Variants in COL9A1 observed in about 807,000 individuals in gnomAD.
COL9A1 encodes collagen alpha-1(IX) chain.
In COL9A1, 104 loss-of-function variants were observed where a neutral mutation model predicts 142.6. The ratio of observed to expected loss-of-function variants is 0.73; its 90% confidence interval spans 0.62 to 0.86. COL9A1 has a LOEUF of 0.86. COL9A1 is among the 40% of genes least tolerant of loss of function. COL9A1 has a pLI of 0.00. For missense variants in COL9A1, 1,210 were observed against 1,176.6 expected (o/e 1.03, Z -0.42); for synonymous variants, 466 against 396.0 (o/e 1.18, Z -2.10).
chr6:70,256,558 T>C (rs1273471789), intron 21 of COL9A1, among the ~76,000 whole-genome samples: 1 of 151,948 alleles, frequency 6.6e-6, no homozygotes, highest in Non-Finnish European at 1.5e-5. Flanking sequence ...GCTTAATCTA[T>C]GAAGAAAAAA....
chr6:70,242,732 A>G lies in COL9A1; in HGVS notation c.1873-17T>C, dbSNP rs200964374. The G allele has an allele frequency of 6.2e-7, 1 of 1,612,504 alleles. No individual in the cohort carries two copies. Among genetic ancestry groups the G allele is most frequent in the African/African-American group, 1.3e-5 (1 of 75,020 alleles). On this transcript the variant is annotated splice_polypyrimidine_tract_variant and intron_variant, in intron 28 of 37. Transcript: ENST00000357250. ...TCTACTGCCCTGTAAAAACACAAAC[A>G]TTGTCAATTGGATATTTTGCCAAAA...
chr6:70,216,654 C>CTTTT lies in COL9A1; in HGVS notation c.*239_*242dup, dbSNP rs3215859. On this transcript the variant is annotated 3_prime_UTR_variant, in exon 38 of 38. Transcript: ENST00000357250. ...TTATTCAAGGGAGGTGTTTGGTTTT[C>CTTTT]TTTTTTTTTTTTTAACTGATGACTC... 8.3e-5 allele frequency: 40 copies of CTTTT among 483,170 alleles called. No homozygotes were observed. The highest frequency in any genetic ancestry group is 4.5e-4 in the African/African-American group (22 of 49,250). The allele number at this position is 483,170 out of a possible 1,614,324, so 29.9% of individuals were successfully genotyped here.
At position 70,274,059 on chromosome 6, in the gene COL9A1, C is replaced by T. The variant is rs75433477; in HGVS notation, c.1053G>A (p.Ser351=). 1.8e-4 allele frequency: 281 copies of T among 1,562,756 alleles called. No homozygotes were observed. In the African/African-American group the frequency reaches 3.1e-3, roughly 17 times the overall value. The change falls in exon 12 of 38, where the codon TCG becomes TCA. Residue 351 remains serine (S), a synonymous_variant. Coordinates refer to ENST00000357250, the MANE Select transcript of COL9A1 (RefSeq NM_001851.6). ...TACATTTACTTACTGGAAATCCACG[C>T]GATCCAGGCACACCAGGTTCTCCCT... ...GQKGEPGVPG[S]RGFPGRGIPG... is the part of the protein sequence containing the mutation.
intron 10 of COL9A1, among the ~76,000 whole-genome samples, chr6:70,278,733 G>C (rs1772924785): frequency 6.6e-6 from 1 of 151,980 alleles, no homozygotes; most frequent in Admixed American, 6.5e-5. Context: ...CTGCACTGTG[G>C]GTCTGCAAAT....
chr6:70,265,048 T>C (rs867106406), intron 18 of COL9A1, among the ~76,000 whole-genome samples: 4 of 152,068 alleles, frequency 2.6e-5, no homozygotes, highest in African/African-American at 9.7e-5. Flanking sequence ...ACTTACACTT[T>C]TAAGTGACAC....
intron 5 of COL9A1, among the ~76,000 whole-genome samples, chr6:70,284,767 C>A (rs1381090677): frequency 2.6e-5 from 4 of 152,190 alleles, no homozygotes; most frequent in Non-Finnish European, 4.4e-5. Flanking sequence ...ATTTCTTTGT[C>A]ATTGATGTTA....
At chr6:70,231,420 G>A (rs939159520) in intron 36 of COL9A1, among the ~76,000 whole-genome samples, 2 of 152,138 alleles carry the variant, frequency 1.3e-5, no homozygotes, top group Non-Finnish European at 2.9e-5. Flanking sequence ...CAAAGAAAAT[G>A]TTCAGTTCTC....
intron 10 of COL9A1, 56 bp from the exon 11 acceptor site, chr6:70,274,828 T>A: frequency 7.1e-7 from 1 of 1,402,628 alleles, no homozygotes; most frequent in Non-Finnish European, 1.0e-6. Flanking sequence ...GGCAAACCAC[T>A]AAGTAGAAAA....
At chr6:70,298,894 T>G (rs1237672670) in intron 4 of COL9A1, among the ~76,000 whole-genome samples, 1 of 152,318 alleles carries the variant, frequency 6.6e-6, no homozygotes, top group East Asian at 1.9e-4. Context: ...AGAGTCAGTA[T>G]GGAGTAGTGG....
intron 5 of COL9A1, among the ~76,000 whole-genome samples, chr6:70,292,876 T>C (rs1773707631): frequency 6.6e-6 from 1 of 152,172 alleles, no homozygotes. Flanking sequence ...GCTTTCTAAC[T>C]CAGCCACTTG....
intron 16 of COL9A1, 56 bp from the exon 17 acceptor site, chr6:70,268,916 G>A: frequency 6.8e-7 from 1 of 1,475,658 alleles, no homozygotes; most frequent in Non-Finnish European, 9.5e-7. Context: ...GCATAAACTA[G>A]GACTCCCGCT....
intron 5 of COL9A1, among the ~76,000 whole-genome samples, chr6:70,286,263 T>C (rs1773447889): frequency 6.6e-6 from 1 of 152,210 alleles, no homozygotes; most frequent in South Asian, 2.1e-4. Flanking sequence ...CAGCTGACAA[T>C]ACATTTAAGC....
intron 34 of COL9A1, 71 bp from the exon 35 acceptor site, chr6:70,234,664 G>T: frequency 6.2e-7 from 1 of 1,605,560 alleles, no homozygotes; most frequent in South Asian, 1.1e-5. Flanking sequence ...GTTGTAAACT[G>T]ACAGACTCTG....
chr6:70,249,673 CT>C, intron 28 of COL9A1, among the ~76,000 whole-genome samples: 1 of 152,136 alleles, frequency 6.6e-6, no homozygotes, highest in Admixed American at 6.5e-5. Flanking sequence ...AGAATTTAGA[CT>C]CTTACAGAAA....
intron 29 of COL9A1, among the ~76,000 whole-genome samples, chr6:70,242,421 A>G (rs911851256): frequency 2.0e-5 from 3 of 152,208 alleles, no homozygotes; most frequent in Non-Finnish European, 4.4e-5. Flanking sequence ...CCAGAGGCCA[A>G]ATGCAGCACT....
rs774330199 is a variant in COL9A1 at position 70,266,782 on chromosome 6, A to C, written c.1288-12T>G. On this transcript the variant is annotated splice_polypyrimidine_tract_variant and intron_variant, in intron 17 of 37. Coordinates refer to ENST00000357250, the MANE Select transcript of COL9A1 (RefSeq NM_001851.6). ...GCCCCTTTATGACCCTAACAAATGC[A>C]AAATAAGTAATTGTCTTGAGTTTGG... is the stretch of plus-strand genomic sequence containing the variant. The C allele has an allele frequency of 2.8e-5, 45 of 1,610,148 alleles. No homozygotes were observed. In the East Asian group the frequency reaches 1.0e-3, roughly 36 times the overall value.
chr6:70,272,113 T>C, intron 12 of COL9A1, 25 bp from the exon 13 acceptor site: 5 of 1,603,912 alleles, frequency 3.1e-6, no homozygotes, highest in Non-Finnish European at 4.3e-6. Context: ...TAAAAATGGT[T>C]ATAGCTTGAG....
chr6:70,260,321 T>C (rs929557937), intron 20 of COL9A1, among the ~76,000 whole-genome samples: 43 of 152,122 alleles, frequency 2.8e-4, no homozygotes, highest in African/African-American at 9.4e-4. Flanking sequence ...CCAGGTGGAT[T>C]ACCTGAGGTC....
intron 28 of COL9A1, among the ~76,000 whole-genome samples, chr6:70,251,393 A>T (rs548501): frequency 0.044 from 6,740 of 152,146 alleles, 522 homozygotes; most frequent in African/African-American, 0.15. Context: ...AAAAAAAATT[A>T]AAAGTTAGCC....
Sources: gnomAD v4.1 joint callset for allele counts (sites outside exome capture counted in the v4.1 genomes callset) on GRCh38, gnomAD v4.1.1 for gene constraint, MANE v1.5 for transcripts, NCBI Gene and HGNC (gene_info 2026-07-23, HGNC 2026-07-21) for gene names.